Variants in IL10 observed in about 807,000 individuals in gnomAD.
The protein encoded by IL10 is interleukin-10.
Under a neutral mutation model 21.0 loss-of-function variants are expected in IL10, and 7 were observed. The observed-to-expected ratio is 0.33, with a 90% CI of 0.19 to 0.63. The LOEUF is 0.63. Ranked by LOEUF, IL10 falls within the 20% of genes least tolerant of loss-of-function variation. IL10 has a pLI of 0.77. For synonymous variants in IL10, 83 were observed against 79.7 expected, an observed-to-expected ratio of 1.04 and a Z score of -0.22; for missense variants, 161 against 213.0, an observed-to-expected ratio of 0.76 and a Z score of 1.52.
intron 3 of IL10, chr1:206,770,572 G>C (rs959996625): frequency 2.7e-6 from 1 of 365,932 alleles, no homozygotes; most frequent in Non-Finnish European, 5.1e-6. Context: ...TTAGCTCCCC[G>C]CCCAGGGTCT....
chr1:206,768,558 C>A lies in IL10; in HGVS notation c.*78G>T. The stretch of plus-strand genomic sequence containing the variant: ...AAGGTTTCTCAAGGGGCTGGGTCAG[C>A]TATCCCAGAGCCCCAGATCCGATTT... On this transcript the variant is annotated 3_prime_UTR_variant, in exon 5 of 5. Coordinates refer to ENST00000423557, the MANE Select transcript of IL10 (RefSeq NM_000572.3). 1 of 802,538 alleles carries A rather than the reference C, an allele frequency of 1.2e-6. No homozygotes were observed. Among genetic ancestry groups the A allele is most frequent in the South Asian group, 1.4e-5 (1 of 72,286 alleles). The allele number at this position is 802,538 out of a possible 1,614,324, so 49.7% of individuals were successfully genotyped here. A position where few individuals can be genotyped will look rare whatever the true frequency, so the allele number is the denominator to read the frequency against.
chr1:206,769,626 C>A, intron 4 of IL10: 1 of 635,736 alleles, frequency 1.6e-6, no homozygotes, highest in Non-Finnish European at 2.8e-6. Flanking sequence ...TTTAGAAACC[C>A]CCAAAGACAC....
In IL10 at chr1:206,768,549, C is replaced by G. The variant is rs551095470; in HGVS notation, c.*87G>C. On this transcript the variant is annotated 3_prime_UTR_variant, in exon 5 of 5. Transcript: ENST00000423557. The stretch of plus-strand genomic sequence containing the variant: ...AGGTACAATAAGGTTTCTCAAGGGG[C>G]TGGGTCAGCTATCCCAGAGCCCCAG... The G allele has an allele frequency of 9.3e-6, 7 of 756,220 alleles. No individual in the cohort carries two copies. Among genetic ancestry groups the G allele is most frequent in the South Asian group, 5.7e-5 (4 of 70,564 alleles). 46.8% of individuals were successfully genotyped at this position (756,220 alleles called of 1,614,324 possible).
At chr1:206,771,526 C>G (rs1247705928) in intron 1 of IL10, 111 bp from the exon 2 acceptor site, 1 of 886,810 alleles carries the variant, frequency 1.1e-6, no homozygotes, top group East Asian at 2.6e-5. Flanking sequence ...AAAATTGGCT[C>G]TGGCCCAAAA....
Position 206,769,871 on chromosome 1 carries a change from G to A in IL10, c.402C>T (p.Asn134=). The stretch of plus-strand genomic sequence containing the variant: ...TCACCTGCTCCACGGCCTTGCTCTT[G>A]TTTTCACAGGGAAGAAATCGATGCT... ...RRCHRFLPCE[N]KSKAVEQVKN... Residue 134 remains asparagine (N), a synonymous_variant, in exon 4 of 5, where the codon AAC becomes AAT. Transcript: ENST00000423557. 6.2e-7 allele frequency: 1 copy of A among 1,613,998 alleles called. No individual in the cohort carries two copies. The highest frequency in any genetic ancestry group is 8.5e-7 in the Non-Finnish European group (1 of 1,179,892).
chr1:206,769,609 G>A (rs573293931), intron 4 of IL10: 70 of 610,076 alleles, frequency 1.1e-4, no homozygotes, highest in Non-Finnish European at 1.6e-4. Context: ...AAGGCAGCGA[G>A]CAGTCATTTA....
Position 206,768,577 on chromosome 1 carries a change from C to T in IL10, c.*59G>A. The T allele has an allele frequency of 1.0e-6, 1 of 956,218 alleles. No individual in the cohort carries two copies. Among genetic ancestry groups the T allele is most frequent in the Non-Finnish European group, 1.7e-6 (1 of 584,774 alleles). 59.2% of individuals were successfully genotyped at this position (956,218 alleles called of 1,614,324 possible). A position where few individuals can be genotyped will look rare whatever the true frequency, so the allele number is the denominator to read the frequency against. ...GGTCAGCTATCCCAGAGCCCCAGAT[C>T]CGATTTTGGAGACCTCTAATTTATG... On this transcript the variant is annotated 3_prime_UTR_variant, in exon 5 of 5. Transcript: ENST00000423557.
chr1:206,770,824 T>A, intron 3 of IL10, 83 bp downstream of exon 3: 1 of 1,307,048 alleles, frequency 7.7e-7, no homozygotes, highest in East Asian at 2.3e-5. Flanking sequence ...TTGCTGTGTC[T>A]GTGGATGTGA....
intron 1 of IL10, 106 bp downstream of exon 1, chr1:206,772,164 TG>T (rs1353348024): frequency 4.7e-5 from 45 of 954,888 alleles, no homozygotes; most frequent in Non-Finnish European, 1.7e-6. Flanking sequence ...GAATAGGTGT[TG>T]GGGATGGAGG....
intron 3 of IL10, chr1:206,770,534 T>C (rs1323699585): frequency 3.2e-6 from 1 of 312,166 alleles, no homozygotes; most frequent in Non-Finnish European, 6.1e-6. Flanking sequence ...TTAAAAGAGG[T>C]GAATGATGTT....
chr1:206,772,153 G>C (rs1674868539), intron 1 of IL10, 118 bp downstream of exon 1: 1 of 878,472 alleles, frequency 1.1e-6, no homozygotes, highest in Non-Finnish European at 1.9e-6. Flanking sequence ...TAAGTTTGGG[G>C]GAATAGGTGT....
At chr1:206,769,512 G>A in intron 4 of IL10, 1 of 474,038 alleles carries the variant, frequency 2.1e-6, no homozygotes, top group Non-Finnish European at 3.9e-6. Context: ...GCTACTTTCT[G>A]TACTTTCTGT....
intron 4 of IL10, 75 bp from the exon 5 acceptor site, chr1:206,768,803 T>C: frequency 1.2e-6 from 1 of 862,998 alleles, no homozygotes; most frequent in Non-Finnish European, 2.0e-6. Context: ...CTCATGCTCA[T>C]GGATGGGCAT....
At position 206,769,910 on chromosome 1, in the gene IL10, GAA is replaced by G; in HGVS notation, c.379-18_379-17del. The G allele has an allele frequency of 6.2e-7, 1 of 1,610,396 alleles. No homozygotes were observed. The highest frequency in any genetic ancestry group is 1.3e-5 in the African/African-American group (1 of 74,944). On this transcript the variant is annotated splice_polypyrimidine_tract_variant and intron_variant, in intron 3 of 4. Transcript: ENST00000423557. Reference sequence around the variant, plus strand: ...GAAATCGATGCTGTGGAAGAAAAGAGAAAGTGTTGGTGATCCTGGCTTCCAGC... The same window carrying G: ...GAAATCGATGCTGTGGAAGAAAAGAGAGTGTTGGTGATCCTGGCTTCCAGC...
At chr1:206,770,572 G>GC in intron 3 of IL10, 1 of 366,050 alleles carries the variant, frequency 2.7e-6, no homozygotes, top group Non-Finnish European at 5.1e-6. Context: ...TTAGCTCCCC[G>GC]CCCAGGGTCT....
chr1:206,769,061 A>T (rs900512520), intron 4 of IL10, among the ~76,000 whole-genome samples: 5 of 152,230 alleles, frequency 3.3e-5, no homozygotes, highest in Admixed American at 2.0e-4. Context: ...GCGCTTCGAA[A>T]GCAAGACGGT....
At chr1:206,771,141 A>C in intron 2 of IL10, 82 bp from the exon 3 acceptor site, 1 of 1,478,816 alleles carries the variant, frequency 6.8e-7, no homozygotes, top group Non-Finnish European at 9.4e-7. Flanking sequence ...TTAAGAGGAC[A>C]GCTTGGTTCT....
intron 2 of IL10, 28 bp from the exon 3 acceptor site, chr1:206,771,087 G>A (rs946103550): frequency 1.2e-6 from 2 of 1,613,442 alleles, no homozygotes; most frequent in Non-Finnish European, 8.5e-7. Flanking sequence ...AGGTGAGTGA[G>A]AGATTGGCGG....
At chr1:206,770,830 T>A (rs1558602719) in intron 3 of IL10, 77 bp downstream of exon 3, 1 of 1,362,898 alleles carries the variant, frequency 7.3e-7, no homozygotes. Flanking sequence ...TGTCTGTGGA[T>A]GTGAGTGTCC....
Sources: gnomAD v4.1 joint callset for allele counts (sites outside exome capture counted in the v4.1 genomes callset) on GRCh38, gnomAD v4.1.1 for gene constraint, MANE v1.5 for transcripts, NCBI Gene and HGNC (gene_info 2026-07-23, HGNC 2026-07-21) for gene names.